The following TPR variants were observed in gnomAD, a reference collection of about 807,000 sequenced individuals.
The protein encoded by TPR is translocated promoter region, nuclear basket protein.
A neutral mutation model predicts 316.1 loss-of-function variants in TPR; 51 were observed. The observed-to-expected ratio is 0.16, with a 90% CI of 0.13 to 0.20. TPR has a LOEUF of 0.20. TPR is among the 10% of genes least tolerant of loss of function. The pLI, the probability that TPR is intolerant of heterozygous loss-of-function variation, is 1.00. For missense variants in TPR, 2,272 were observed against 2,754.8 expected, an observed-to-expected ratio of 0.82 and a Z score of 3.92; for synonymous variants, 981 against 914.7, an observed-to-expected ratio of 1.07 and a Z score of -1.31.
chr1:186,340,576 C>T (rs1049662882), intron 29 of TPR, among the ~76,000 whole-genome samples: 1 of 151,900 alleles, frequency 6.6e-6, no homozygotes, highest in Non-Finnish European at 1.5e-5. Flanking sequence ...GGACTACAGG[C>T]ATGTACCACC....
chr1:186,326,077 T>C (rs559162494), intron 41 of TPR, 27 bp downstream of exon 41: 4 of 1,613,286 alleles, frequency 2.5e-6, no homozygotes, highest in East Asian at 2.2e-5. Flanking sequence ...GAAAGAACTA[T>C]GAATGGTTAA....
intron 20 of TPR, among the ~76,000 whole-genome samples, chr1:186,351,046 G>A (rs977031573): frequency 6.6e-6 from 1 of 152,044 alleles, no homozygotes. Context: ...ATCATAAAAG[G>A]CAAAAGTCAA....
In TPR at chr1:186,325,862, C is replaced by T; in HGVS notation, c.6022-8G>A. ...ATCAGTCCCATCACCACCCTAAAAA[C>T]AAAACGTGGTAACATAATGCTCAAA... On this transcript the variant is annotated splice_polypyrimidine_tract_variant and splice_region_variant and intron_variant, in intron 41 of 50. Transcript: ENST00000367478. 1 of 1,611,654 alleles carries T rather than the reference C, an allele frequency of 6.2e-7. No homozygotes were observed. The highest frequency in any genetic ancestry group is 1.7e-4 in the Middle Eastern group (1 of 6,054).
chr1:186,336,045 C>A (rs1658330023), intron 33 of TPR, among the ~76,000 whole-genome samples: 2 of 151,998 alleles, frequency 1.3e-5, no homozygotes, highest in South Asian at 4.1e-4. Context: ...AAGCCCTGAG[C>A]CTTGAAGAAC....
At chr1:186,316,424 A>AT (rs1305268455) in intron 49 of TPR, among the ~76,000 whole-genome samples, 1 of 152,154 alleles carries the variant, frequency 6.6e-6, no homozygotes, top group Non-Finnish European at 1.5e-5. Context: ...AGGGGAAGAG[A>AT]TTTTGGGATA....
At chr1:186,325,166 C>A (rs759176321) in intron 42 of TPR, among the ~76,000 whole-genome samples, 1 of 152,142 alleles carries the variant, frequency 6.6e-6, no homozygotes, top group Non-Finnish European at 1.5e-5. Context: ...TATGTCAACA[C>A]TAATGATTTC....
At chr1:186,352,504 G>C (rs1398349735) in intron 18 of TPR, among the ~76,000 whole-genome samples, 1 of 152,174 alleles carries the variant, frequency 6.6e-6, no homozygotes, top group African/African-American at 2.4e-5. Context: ...CTGTTTAAAA[G>C]TGATGATTGA....
intron 22 of TPR, 116 bp from the exon 23 acceptor site, chr1:186,346,403 T>G: frequency 9.2e-7 from 1 of 1,083,264 alleles, no homozygotes; most frequent in Non-Finnish European, 1.2e-6. Flanking sequence ...TTGTTGTATA[T>G]TAAAAAAAGA....
chr1:186,367,889 T>C lies in TPR; in HGVS notation c.424A>G (p.Thr142Ala), dbSNP rs559936243. 4.4e-6 allele frequency: 7 copies of C among 1,603,310 alleles called. No individual in the cohort carries two copies. Among genetic ancestry groups the C allele is most frequent in the South Asian group, 2.2e-5 (2 of 90,864 alleles). Residue 142 changes from threonine to alanine, a missense_variant, in exon 4 of 51, where the codon ACA becomes GCA. Physicochemically the swap from Thr to Ala is moderately conservative, Grantham distance 58. Coordinates refer to ENST00000367478, the MANE Select transcript of TPR (RefSeq NM_003292.3). The part of the protein sequence containing the change: ...ERLSQELEYL[T>A]EDVKRLNEKL... ...AGCTACAAGCACTTCTTCATACCTG[T>C]TAAGTATTCAAGTTCTTGAGATAGT...
rs538264353 is a variant in TPR at position 186,351,690 on chromosome 1, C to T, written c.2470-220G>A. Among the ~76,000 whole-genome samples the T allele has an allele frequency of 5.9e-5, 9 of 151,938 alleles. No individual in the cohort carries two copies. In the East Asian group the frequency reaches 1.7e-3, roughly 29 times the overall value. ...TATTATAATCGTCATTCAGATTTCC[C>T]AAAGTTTTAAAGAAAATAAAAACCA... On this transcript the variant is annotated intron_variant, in intron 19 of 50. Transcript: ENST00000367478.
intron 31 of TPR, 71 bp downstream of exon 31, chr1:186,337,962 A>C: frequency 7.7e-7 from 1 of 1,297,124 alleles, no homozygotes; most frequent in Non-Finnish European, 1.0e-6. Context: ...TAATATTCAA[A>C]ATTACAAAGA....
In TPR at chr1:186,333,162, T is replaced by C. The variant is rs2102065203; in HGVS notation, c.5415A>G (p.Pro1805=). The change falls in exon 37 of 51, where the codon CCA becomes CCG. Residue 1805 remains proline (P), a synonymous_variant. Transcript: ENST00000367478. ...SNIVEVVQSS[P]VERPSTSTAV... ...CTGTGGAAGTAGAAGGCCGCTCAAC[T>C]GGTGAACTCTGAACAACCTCTACTA... 1.2e-6 allele frequency: 2 copies of C among 1,613,508 alleles called. No homozygotes were observed. Among genetic ancestry groups the C allele is most frequent in the Admixed American group, 3.3e-5 (2 of 59,896 alleles).
In TPR at chr1:186,367,523, C is replaced by T. The variant is rs527628851; in HGVS notation, c.427+363G>A. ...TGAGTATATGTTCTTATATTGAATGCTTATTATATAGCAAGGATGTCCATA... is the reference window on the plus strand; with the variant it reads ...TGAGTATATGTTCTTATATTGAATGTTTATTATATAGCAAGGATGTCCATA... On this transcript the variant is annotated intron_variant, in intron 4 of 50. Coordinates refer to ENST00000367478, the MANE Select transcript of TPR (RefSeq NM_003292.3). 3.9e-5 allele frequency among the ~76,000 whole-genome samples: 6 copies of T among 152,262 alleles called. No homozygotes were observed. The East Asian group carries it at 5.8e-4, about 15-fold the overall frequency.
chr1:186,329,449 T>C (rs185411430), intron 39 of TPR, among the ~76,000 whole-genome samples: 1 of 152,306 alleles, frequency 6.6e-6, no homozygotes, highest in East Asian at 1.9e-4. Context: ...CAAGCATAAA[T>C]GCAAAATTCA....
intron 49 of TPR, 117 bp downstream of exon 49, chr1:186,317,360 TTTAAA>T: frequency 1.3e-6 from 1 of 783,964 alleles, no homozygotes; most frequent in African/African-American, 1.8e-5. Flanking sequence ...AAATTTCTCT[TTTAAA>T]TAAAGCATTT....
intron 21 of TPR, among the ~76,000 whole-genome samples, chr1:186,348,611 TTGCTGGTCTGAGACTCAGGCCAGCA>T (rs1658754845): frequency 6.6e-6 from 1 of 152,104 alleles, no homozygotes; most frequent in African/African-American, 2.4e-5. Flanking sequence ...TAATAAAAAC[TTGCTGGTCTGAGACTCAGGCCAGCA>T]TCACGGTCCT....
At position 186,335,105 on chromosome 1, in the gene TPR, T is replaced by C; in HGVS notation, c.4936A>G (p.Thr1646Ala). ...NKVPEQQRQI[T>A]LKTTPASGER... Reference sequence around the variant, plus strand: ...CCAGAAGCTGGAGTTGTTTTCAATGTGATCTGTCTCTGCTGTTCAGGGACC... The same window carrying C: ...CCAGAAGCTGGAGTTGTTTTCAATGCGATCTGTCTCTGCTGTTCAGGGACC... The change falls in exon 35 of 51, where the codon ACA (threonine) becomes GCA (alanine). Residue 1646 changes from threonine to alanine, a missense_variant. By Grantham distance (58) the Thr-to-Ala change is moderately conservative (BLOSUM62 0). Transcript: ENST00000367478. 6.2e-7 allele frequency: 1 copy of C among 1,613,096 alleles called. No homozygotes were observed. Among genetic ancestry groups the C allele is most frequent in the Non-Finnish European group, 8.5e-7 (1 of 1,179,490 alleles).
intron 48 of TPR, 79 bp downstream of exon 48, chr1:186,318,368 T>C (rs1657672968): frequency 6.7e-7 from 1 of 1,500,058 alleles, no homozygotes; most frequent in African/African-American, 1.4e-5. Context: ...ACTTTGCAGA[T>C]TGTTTCTTGG....
In TPR at chr1:186,361,069, T is replaced by C. The variant is rs546283138; in HGVS notation, c.959-164A>G. 2.0e-5 allele frequency among the ~76,000 whole-genome samples: 3 copies of C among 152,196 alleles called. No individual in the cohort carries two copies. The South Asian group carries it at 6.2e-4, about 32-fold the overall frequency. On this transcript the variant is annotated intron_variant, in intron 9 of 50. Coordinates refer to ENST00000367478, the MANE Select transcript of TPR (RefSeq NM_003292.3). ...AAAGTTCTTGCTCTACTTATAATTT[T>C]GGAATTGTCTTCGCCTGGTGTTTCT...
Sources: gnomAD v4.1 joint callset for allele counts (sites outside exome capture counted in the v4.1 genomes callset) on GRCh38, gnomAD v4.1.1 for gene constraint, MANE v1.5 for transcripts, NCBI Gene and HGNC (gene_info 2026-07-23, HGNC 2026-07-21) for gene names.